Variants in AOPEP observed in about 807,000 individuals in gnomAD.
AOPEP encodes the protein aminopeptidase O.
Under a neutral mutation model 98.1 loss-of-function variants are expected in AOPEP, and 77 were observed. The observed-to-expected ratio is 0.78, with a 90% CI of 0.65 to 0.95. The LOEUF (loss-of-function observed/expected upper bound fraction) is 0.95, where lower values mean the gene tolerates loss of function less well. AOPEP is among the 40% of genes least tolerant of loss of function. The pLI is 0.00. For synonymous variants in AOPEP, 346 were observed against 365.3 expected, an observed-to-expected ratio of 0.95 and a Z score of 0.60; for missense variants, 1,024 against 1,024.7, an observed-to-expected ratio of 1.00 and a Z score of 0.01.
chr9:94,846,710 A>G (rs550388987), intron 5 of AOPEP, among the ~76,000 whole-genome samples: 42 of 152,116 alleles, frequency 2.8e-4, no homozygotes, highest in African/African-American at 9.9e-4. Flanking sequence ...GGAGTTCAAG[A>G]TCATCTTGGA....
intron 7 of AOPEP, among the ~76,000 whole-genome samples, chr9:94,935,677 A>G (rs1026909548): frequency 7.9e-5 from 12 of 152,192 alleles, no homozygotes; most frequent in African/African-American, 2.9e-4. Flanking sequence ...GAAGAGTCGC[A>G]GAGAGCATGC....
the AOPEP span, among the ~76,000 whole-genome samples, chr9:95,103,045 G>A: frequency 1.3e-5 from 2 of 152,158 alleles, no homozygotes; most frequent in Non-Finnish European, 2.9e-5. Flanking sequence ...AGTGCTGATG[G>A]CCTTCGGTAG....
At chr9:94,834,799 T>TGCAA (rs1415402009) in intron 5 of AOPEP, among the ~76,000 whole-genome samples, 3 of 112,462 alleles carry the variant, frequency 2.7e-5, no homozygotes, top group African/African-American at 1.0e-4. Context: ...TCTAAATGCA[T>TGCAA]GCATGCATGC....
At chr9:94,918,137 C>T (rs1486548247) in intron 5 of AOPEP, among the ~76,000 whole-genome samples, 1 of 152,178 alleles carries the variant, frequency 6.6e-6, no homozygotes, top group Non-Finnish European at 1.5e-5. Context: ...TTGTGTGTCA[C>T]CCTCCTGGGG....
chr9:95,145,179 G>T, the AOPEP span: 1 of 152,176 alleles, frequency 6.6e-6, no homozygotes, highest in Non-Finnish European at 1.5e-5. Context: ...ACTCTGAACT[G>T]TAAGAACAAC....
At chr9:95,114,356 T>C in the AOPEP span, 3 of 474,678 alleles carry the variant, frequency 6.3e-6, no homozygotes, top group African/African-American at 2.0e-5. Context: ...TGCCTGTATA[T>C]TTCAAAATCT....
chr9:94,730,145 G>A (rs1329714853), intron 1 of AOPEP, among the ~76,000 whole-genome samples: 3 of 152,072 alleles, frequency 2.0e-5, no homozygotes, highest in Non-Finnish European at 2.9e-5. Flanking sequence ...TTAGCTGGGC[G>A]TGGTGGCGGG....
chr9:95,065,147 G>A (rs1381693296), intron 14 of AOPEP, among the ~76,000 whole-genome samples: 1 of 152,200 alleles, frequency 6.6e-6, no homozygotes, highest in East Asian at 1.9e-4. Flanking sequence ...GGAAAGGTTA[G>A]ATATAATCTC....
intron 11 of AOPEP, among the ~76,000 whole-genome samples, chr9:95,003,651 A>T (rs548589179): frequency 6.6e-6 from 1 of 152,360 alleles, no homozygotes; most frequent in South Asian, 2.1e-4. Context: ...AACTATTTAT[A>T]TATATTTCCT....
intron 16 of AOPEP, among the ~76,000 whole-genome samples, chr9:95,085,758 G>T (rs1411379395): frequency 6.6e-6 from 1 of 152,190 alleles, no homozygotes; most frequent in Non-Finnish European, 1.5e-5. Context: ...TGTCTGAAAG[G>T]TCAAATGTAT....
At chr9:94,903,893 A>AAAC (rs1387914087) in intron 5 of AOPEP, among the ~76,000 whole-genome samples, 792 of 3,464 alleles carry the variant, frequency 0.23, 11 homozygotes, top group African/African-American at 0.32. Flanking sequence ...GACTCTGTCT[A>AAAC]AAAAAAAAAA....
At chr9:94,962,284 C>T (rs2058897816) in intron 9 of AOPEP, among the ~76,000 whole-genome samples, 1 of 152,174 alleles carries the variant, frequency 6.6e-6, no homozygotes, top group South Asian at 2.1e-4. Flanking sequence ...ACGTTTTACT[C>T]ATCTCTTGCC....
intron 13 of AOPEP, among the ~76,000 whole-genome samples, chr9:95,007,786 C>G (rs1216765142): frequency 2.0e-5 from 3 of 152,142 alleles, no homozygotes; most frequent in Non-Finnish European, 2.9e-5. Flanking sequence ...CTTGCTGAGG[C>G]AAAACATGCG....
At chr9:94,755,117 C>G (rs1210195844) in intron 1 of AOPEP, among the ~76,000 whole-genome samples, 2 of 151,962 alleles carry the variant, frequency 1.3e-5, no homozygotes, top group Non-Finnish European at 2.9e-5. Flanking sequence ...TTATTTTAGA[C>G]ACAGCAATGG....
chr9:95,111,712 C>T, the AOPEP span: 2 of 1,558,976 alleles, frequency 1.3e-6, no homozygotes, highest in South Asian at 2.2e-5. Context: ...GCAACTTTAA[C>T]GTTTGCCAAC....
downstream of AOPEP, among the ~76,000 whole-genome samples, chr9:95,088,272 C>T (rs534577023): frequency 2.0e-5 from 3 of 151,910 alleles, no homozygotes; most frequent in African/African-American, 4.8e-5. Context: ...TGCAATGGCA[C>T]GATCTCTGTA....
intron 16 of AOPEP, among the ~76,000 whole-genome samples, chr9:95,083,384 A>T (rs1250690510): frequency 1.3e-5 from 2 of 150,034 alleles, no homozygotes; most frequent in African/African-American, 4.9e-5. Flanking sequence ...CACGCGGCAC[A>T]CACAGCACAC....
the AOPEP span, chr9:95,150,016 G>A: frequency 1.2e-6 from 2 of 1,613,990 alleles, no homozygotes; most frequent in Non-Finnish European, 1.7e-6. Context: ...CTCCACCAGG[G>A]GGTCAACATC....
intron 5 of AOPEP, among the ~76,000 whole-genome samples, chr9:94,848,879 C>G (rs137970152): frequency 0.032 from 4,913 of 152,240 alleles, 270 homozygotes; most frequent in African/African-American, 0.11. Flanking sequence ...TGGGTTCAAG[C>G]GATTCTCCTG....
Sources: allele counts gnomAD v4.1 joint callset (sites outside exome capture counted in the v4.1 genomes callset), GRCh38; gene constraint gnomAD v4.1.1; transcripts MANE v1.5; gene names NCBI Gene and HGNC (gene_info 2026-07-23, HGNC 2026-07-21).